Variants in CPQ observed in about 807,000 individuals in gnomAD.
The protein encoded by CPQ is Ser-Met dipeptidase.
Under a neutral mutation model 45.7 loss-of-function variants are expected in CPQ, and 37 were observed. The ratio of observed to expected loss-of-function variants is 0.81; its 90% CI spans 0.62 to 1.07. The LOEUF (loss-of-function observed/expected upper bound fraction) is 1.07. CPQ is among the 50% of genes least tolerant of loss of function. The pLI is 0.00. For missense variants in CPQ, 537 were observed against 572.9 expected, an observed-to-expected ratio of 0.94 and a Z score of 0.64; for synonymous variants, 186 against 205.8, an observed-to-expected ratio of 0.90 and a Z score of 0.82.
intron 1 of CPQ, among the ~76,000 whole-genome samples, chr8:96,665,152 G>T (rs1249343914): frequency 6.6e-6 from 1 of 152,162 alleles, no homozygotes; most frequent in Admixed American, 6.5e-5. Context: ...TCTTGCTTGA[G>T]CTGAATCGAT....
intron 3 of CPQ, among the ~76,000 whole-genome samples, chr8:96,854,557 A>AAAAAAAAAAAAAACAC (rs1554573253): frequency 1.3e-4 from 10 of 76,888 alleles, no homozygotes; most frequent in South Asian, 7.5e-4. Flanking sequence ...AAAAAAAAAA[A>AAAAAAAAAAAAAACAC]AATGTGGTGG....
At chr8:97,031,380 G>T (rs1313379594) in intron 6 of CPQ, among the ~76,000 whole-genome samples, 3 of 151,902 alleles carry the variant, frequency 2.0e-5, no homozygotes, top group African/African-American at 4.8e-5. Context: ...TGGAGATGGG[G>T]TTTCACCGTG....
In CPQ at chr8:96,849,983, T is replaced by C. The variant is rs1429900949; in HGVS notation, c.641+14803T>C. ...AAGGACACATTATTTTTTAGCTCTT[T>C]ATGCCATCTTTCTTTTCTTTCAAGT... On this transcript the variant is annotated intron_variant, in intron 3 of 7. Transcript: ENST00000220763. Among the ~76,000 whole-genome samples, 4 of 152,338 alleles carry C rather than the reference T, an allele frequency of 2.6e-5. No individual in the cohort carries two copies. In the South Asian group the frequency reaches 6.2e-4, roughly 24 times the overall value.
chr8:96,750,589 T>G (rs942765528), intron 1 of CPQ, among the ~76,000 whole-genome samples: 16 of 139,574 alleles, frequency 1.1e-4, no homozygotes, highest in Middle Eastern at 3.3e-3. Context: ...AGATCTTTTC[T>G]TTTTTTTTTT....
chr8:97,020,671 C>T (rs533433744), intron 5 of CPQ, among the ~76,000 whole-genome samples: 33 of 152,000 alleles, frequency 2.2e-4, no homozygotes, highest in African/African-American at 6.8e-4. Flanking sequence ...TAGCTTAGAT[C>T]GGAAAGAATT....
intron 1 of CPQ, among the ~76,000 whole-genome samples, chr8:96,765,809 C>T (rs944050316): frequency 6.6e-6 from 1 of 152,184 alleles, no homozygotes; most frequent in African/African-American, 2.4e-5. Context: ...ATTCATCAAG[C>T]ACACATAGGC....
At chr8:97,080,047 C>T (rs1427101307) in intron 7 of CPQ, among the ~76,000 whole-genome samples, 1 of 152,146 alleles carries the variant, frequency 6.6e-6, no homozygotes, top group African/African-American at 2.4e-5. Flanking sequence ...CCAGATCCTT[C>T]TCCTTGGAAG....
intron 5 of CPQ, among the ~76,000 whole-genome samples, chr8:96,971,408 A>C (rs1423470153): frequency 6.6e-6 from 1 of 152,240 alleles, no homozygotes; most frequent in Non-Finnish European, 1.5e-5. Flanking sequence ...TATTATTGGA[A>C]ATATTTGAAA....
Position 97,066,065 on chromosome 8 carries a change from C to T in CPQ, c.1110C>T (p.Pro370=). 1.2e-6 allele frequency: 2 copies of T among 1,611,578 alleles called. No homozygotes were observed. The highest frequency in any genetic ancestry group is 3.4e-5 in the Admixed American group (2 of 59,678). ...VMESDAGTFL[P]TGLQFTGSEK... is the part of the protein sequence containing the mutation. ...AGTCTGACGCAGGAACCTTCTTACC[C>T]ACTGGGCTGCAATTCACTGGCAGTG... The change falls in exon 7 of 8, where the codon CCC becomes CCT. Residue 370 remains proline (P), a synonymous_variant. Transcript: ENST00000220763.
At chr8:96,710,058 G>A (rs1008514198) in intron 1 of CPQ, among the ~76,000 whole-genome samples, 12 of 151,910 alleles carry the variant, frequency 7.9e-5, no homozygotes, top group South Asian at 4.1e-4. Flanking sequence ...TTACTGATTC[G>A]ATGTTACTGC....
chr8:96,747,764 G>A (rs747631269), intron 1 of CPQ, among the ~76,000 whole-genome samples: 1 of 152,146 alleles, frequency 6.6e-6, no homozygotes, highest in South Asian at 2.1e-4. Context: ...GACCAGAATC[G>A]CCAGGTTATT....
chr8:97,018,053 C>A (rs1809613254), intron 5 of CPQ, among the ~76,000 whole-genome samples: 1 of 152,198 alleles, frequency 6.6e-6, no homozygotes, highest in Non-Finnish European at 1.5e-5. Flanking sequence ...ATAGACAGTT[C>A]ATCACAGGAC....
intron 4 of CPQ, among the ~76,000 whole-genome samples, chr8:96,927,604 T>C (rs1338441077): frequency 2.0e-5 from 3 of 152,184 alleles, no homozygotes; most frequent in Non-Finnish European, 4.4e-5. Flanking sequence ...CCTGGGCATA[T>C]AGCACAGTGG....
intron 1 of CPQ, among the ~76,000 whole-genome samples, chr8:96,782,903 A>C (rs9642938): frequency 0.52 from 79,786 of 152,016 alleles, 22,654 homozygotes; most frequent in East Asian, 0.88. Context: ...CTTAATAACA[A>C]GGATAGCCTT....
chr8:96,970,414 T>C (rs1473571354), intron 5 of CPQ, among the ~76,000 whole-genome samples: 1 of 152,190 alleles, frequency 6.6e-6, no homozygotes, highest in Admixed American at 6.5e-5. Flanking sequence ...CCTTTATTCC[T>C]GAAAATAAAC....
intron 3 of CPQ, among the ~76,000 whole-genome samples, 188 bp from the exon 4 acceptor site, chr8:96,879,610 T>A (rs1210654847): frequency 1.3e-5 from 2 of 152,246 alleles, no homozygotes; most frequent in Admixed American, 6.5e-5. Context: ...AAGTTTCTAA[T>A]TTATTCTTAA....
At chr8:96,692,291 A>G (rs1054920674) in intron 1 of CPQ, among the ~76,000 whole-genome samples, 1 of 152,136 alleles carries the variant, frequency 6.6e-6, no homozygotes, top group African/African-American at 2.4e-5. Context: ...ACTATTGTGA[A>G]TAAAGTTGTG....
At chr8:96,812,580 T>C (rs1811171704) in intron 2 of CPQ, among the ~76,000 whole-genome samples, 1 of 152,140 alleles carries the variant, frequency 6.6e-6, no homozygotes, top group African/African-American at 2.4e-5. Context: ...TTTTGTTACT[T>C]AGTTCCAAAT....
intron 4 of CPQ, among the ~76,000 whole-genome samples, chr8:96,960,897 C>T (rs1200670518): frequency 6.6e-6 from 1 of 151,886 alleles, no homozygotes; most frequent in Non-Finnish European, 1.5e-5. Flanking sequence ...ATTTTCAGTT[C>T]ACTTTACTAC....
Sources: gnomAD v4.1 joint callset for allele counts (sites outside exome capture counted in the v4.1 genomes callset) on GRCh38, gnomAD v4.1.1 for gene constraint, MANE v1.5 for transcripts, NCBI Gene and HGNC (gene_info 2026-07-23, HGNC 2026-07-21) for gene names.